The following GSDME variants were observed in gnomAD, a reference collection of about 807,000 sequenced individuals.
GSDME encodes the protein gasdermin-E.
GSDME carries 44 observed loss-of-function variants against 47.5 expected under a neutral mutation model. That is an observed-to-expected ratio of 0.93 (90% confidence interval 0.73 to 1.19). GSDME has a LOEUF of 1.19. Ranked by LOEUF, GSDME falls within the 50% of genes most tolerant of loss-of-function variation. GSDME has a pLI of 0.00. For synonymous variants in GSDME, 258 were observed against 252.8 expected, an observed-to-expected ratio of 1.02 and a Z score of -0.20; for missense variants, 663 against 604.2, an observed-to-expected ratio of 1.10 and a Z score of -1.02.
At chr7:24,771,676 A>G in the GSDME span, among the ~76,000 whole-genome samples, 1 of 152,178 alleles carries the variant, frequency 6.6e-6, no homozygotes, top group Admixed American at 6.5e-5. This position sits in a 1 kb window ranked among gnomAD's most constrained non-coding sequence, Gnocchi z 4.1. Context: ...AGAGCTTGGA[A>G]AAGAGTGTCA....
intron 6 of GSDME, among the ~76,000 whole-genome samples, chr7:24,709,650 C>T (rs1044154643): frequency 1.3e-5 from 2 of 152,132 alleles, no homozygotes; most frequent in African/African-American, 4.8e-5. Context: ...CCCCACATCC[C>T]CGACAAAAGA....
At chr7:24,771,697 G>A in the GSDME span, among the ~76,000 whole-genome samples, 1 of 152,154 alleles carries the variant, frequency 6.6e-6, no homozygotes, top group Admixed American at 6.5e-5. The surrounding 1 kb of genome is among the most constrained non-coding windows in gnomAD (Gnocchi z 4.1). Context: ...AGACTGTCCT[G>A]GGAGGGCTTA....
chr7:24,703,782 G>A (rs547419053), intron 8 of GSDME: 1 of 152,288 alleles, frequency 6.6e-6, no homozygotes, highest in Admixed American at 6.5e-5. Flanking sequence ...ACCTAATGTG[G>A]TATTCAAATG....
chr7:24,795,456 G>A, the GSDME span, among the ~76,000 whole-genome samples: 1 of 152,144 alleles, frequency 6.6e-6, no homozygotes, highest in South Asian at 2.1e-4. Context: ...CGAGCTCCCC[G>A]AGTGAACAAT....
chr7:24,726,169 G>T lies in GSDME; in HGVS notation c.405-6951C>A, dbSNP rs922458912. The stretch of plus-strand genomic sequence containing the variant: ...CCCCAGGCCCAGCCCTAATGAAGCC[G>T]CCTCCTCTCCCAGCCTGAAGCTTTA... On this transcript the variant is annotated intron_variant, in intron 3 of 9. Transcript: ENST00000645220. The surrounding 1 kb of genome is among the most constrained non-coding windows in gnomAD (Gnocchi z 5.6). Among the ~76,000 whole-genome samples the T allele has an allele frequency of 6.6e-6, 1 of 152,136 alleles. No homozygotes were observed. Among genetic ancestry groups the T allele is most frequent in the Non-Finnish European group, 1.5e-5 (1 of 68,032 alleles).
At chr7:24,722,934 G>A (rs1048745879) in intron 3 of GSDME, among the ~76,000 whole-genome samples, 1 of 152,162 alleles carries the variant, frequency 6.6e-6, no homozygotes, top group Non-Finnish European at 1.5e-5. Flanking sequence ...ACAGAAGCTC[G>A]CCCAGGGACG....
chr7:24,710,524 C>A, intron 5 of GSDME, 136 bp from the exon 6 acceptor site: 1 of 817,566 alleles, frequency 1.2e-6, no homozygotes, highest in East Asian at 2.6e-5. Context: ...TCCATCTTCC[C>A]CATAAAATTC....
chr7:24,738,826 C>G (rs1790392780), intron 3 of GSDME, among the ~76,000 whole-genome samples: 1 of 152,086 alleles, frequency 6.6e-6, no homozygotes, highest in South Asian at 2.1e-4. Flanking sequence ...GGAAACAAAT[C>G]CATACATTTA....
At chr7:24,772,873 G>A in the GSDME span, among the ~76,000 whole-genome samples, 2 of 152,142 alleles carry the variant, frequency 1.3e-5, no homozygotes, top group Non-Finnish European at 2.9e-5. This position sits in a 1 kb window ranked among gnomAD's most constrained non-coding sequence, Gnocchi z 4.5. Flanking sequence ...TTATAAAAGA[G>A]GCTGTTCAAT....
In GSDME at chr7:24,756,173, G is replaced by A. The variant is rs1011060636; in HGVS notation, c.-20+1223C>T. On this transcript the variant is annotated intron_variant, in intron 1 of 9. Coordinates refer to ENST00000645220, the MANE Select transcript of GSDME (RefSeq NM_001127453.2). This position sits in a 1 kb window ranked among gnomAD's most constrained non-coding sequence, Gnocchi z 4.2. ...AGGAGAGTGAGGCGCCAAAGGCTTT[G>A]GGGAAGTGGAGTGGGTAACAGAGGG... Among the ~76,000 whole-genome samples, 4 of 152,218 alleles carry A rather than the reference G, an allele frequency of 2.6e-5. No homozygotes were observed. Among genetic ancestry groups the A allele is most frequent in the Non-Finnish European group, 5.9e-5 (4 of 68,034 alleles).
chr7:24,699,631 C>T (rs1057431795), intron 9 of GSDME, among the ~76,000 whole-genome samples: 44 of 152,268 alleles, frequency 2.9e-4, no homozygotes, highest in African/African-American at 9.9e-4. Flanking sequence ...TGAGCCACCA[C>T]GCCTGGCCAA....
At chr7:24,717,041 G>A (rs1256822674) in intron 5 of GSDME, 8 of 592,770 alleles carry the variant, frequency 1.3e-5, no homozygotes, top group African/African-American at 5.5e-5. Context: ...AGGAGAGGGT[G>A]GCATTGCTCC....
rs879483364 is a variant in GSDME at position 24,741,383 on chromosome 7, TA to T, written c.404+3178del. ...CTCAATAAATTTGTTATTCTCCATT[TA>T]AAAAAAAAAAAGTATGTGACATATC... On this transcript the variant is annotated intron_variant, in intron 3 of 9. Transcript: ENST00000645220. Among the ~76,000 whole-genome samples the T allele has an allele frequency of 2.9e-3, 417 of 145,250 alleles. 2 individuals are homozygous for T. The highest frequency in any genetic ancestry group is 5.0e-3 in the African/African-American group (200 of 40,026).
the GSDME span, among the ~76,000 whole-genome samples, chr7:24,772,743 G>A: frequency 6.6e-6 from 1 of 152,156 alleles, no homozygotes. This position sits in a 1 kb window ranked among gnomAD's most constrained non-coding sequence, Gnocchi z 4.5. Context: ...GGGATTATAG[G>A]GATGGATTTC....
the GSDME span, among the ~76,000 whole-genome samples, chr7:24,787,654 T>C: frequency 6.6e-6 from 1 of 152,194 alleles, no homozygotes; most frequent in Non-Finnish European, 1.5e-5. The surrounding 1 kb of genome is among the most constrained non-coding windows in gnomAD (Gnocchi z 5.0). Flanking sequence ...ACAACAGTAA[T>C]AGTATCATGG....
rs148408768 is a variant in GSDME at position 24,725,116 on chromosome 7, C to T, written c.405-5898G>A. ...TTAAACCTCTCTTCTGTATAAATTA[C>T]CCAGTCTCAGGTATTTCCTTATAAT... On this transcript the variant is annotated intron_variant, in intron 3 of 9. Coordinates refer to ENST00000645220, the MANE Select transcript of GSDME (RefSeq NM_001127453.2). This position sits in a 1 kb window ranked among gnomAD's most constrained non-coding sequence, Gnocchi z 5.1. Among the ~76,000 whole-genome samples, 37 of 152,302 alleles carry T rather than the reference C, an allele frequency of 2.4e-4. No individual in the cohort carries two copies. Among genetic ancestry groups the T allele is most frequent in the African/African-American group, 7.9e-4 (33 of 41,548 alleles).
At chr7:24,773,697 G>A in the GSDME span, among the ~76,000 whole-genome samples, 19 of 152,278 alleles carry the variant, frequency 1.2e-4, no homozygotes, top group Non-Finnish European at 2.5e-4. This position sits in a 1 kb window ranked among gnomAD's most constrained non-coding sequence, Gnocchi z 5.4. Flanking sequence ...GGCCTCTTAG[G>A]TTTTGTCAAG....
At chr7:24,758,885 C>G (rs992611367), upstream of GSDME, among the ~76,000 whole-genome samples, 6 of 152,174 alleles carry the variant, frequency 3.9e-5, no homozygotes, top group Non-Finnish European at 8.8e-5. This position sits in a 1 kb window ranked among gnomAD's most constrained non-coding sequence, Gnocchi z 4.6. Context: ...CTGTTTTGTT[C>G]CCTATGCCCA....
the GSDME span, among the ~76,000 whole-genome samples, chr7:24,792,145 T>C: frequency 1.3e-5 from 2 of 152,238 alleles, no homozygotes; most frequent in African/African-American, 4.8e-5. Context: ...AACGGTATAT[T>C]TGATTCATTC....
Sources: gnomAD v4.1 joint callset for allele counts (sites outside exome capture counted in the v4.1 genomes callset) on GRCh38, gnomAD v4.1.1 for gene constraint, Gnocchi (gnomAD v3.1) non-coding constraint, MANE v1.5 for transcripts, NCBI Gene and HGNC (gene_info 2026-07-23, HGNC 2026-07-21) for gene names.